EEA1: variants seen among roughly 807,000 people sequenced by gnomAD.
EEA1 encodes the protein early endosome antigen 1, 162kD.
A neutral mutation model predicts 209.2 loss-of-function variants in EEA1; 111 were observed. The ratio of observed to expected loss-of-function variants is 0.53; its 90% CI spans 0.45 to 0.62. The LOEUF (loss-of-function observed/expected upper bound fraction) is 0.62, where lower values mean the gene tolerates loss of function less well. EEA1 is among the 20% of genes least tolerant of loss of function. The pLI is 0.00. For missense variants in EEA1, 1,343 were observed against 1,530.8 expected, an observed-to-expected ratio of 0.88 and a Z score of 2.05; for synonymous variants, 536 against 540.6, an observed-to-expected ratio of 0.99 and a Z score of 0.12.
intron 13 of EEA1, among the ~76,000 whole-genome samples, chr12:92,825,084 A>G (rs1162005778): frequency 6.6e-6 from 1 of 152,218 alleles, no homozygotes; most frequent in Non-Finnish European, 1.5e-5. Context: ...CCTAGAGGGC[A>G]AGCACTCTGT....
In EEA1 at chr12:92,776,113, T is replaced by G; in HGVS notation, c.4134A>C (p.Gly1378=). The change falls in exon 29 of 29, where the codon GGA becomes GGC. Residue 1378 remains glycine (G), a synonymous_variant. Transcript: ENST00000322349. ...CTGAACATTCAGCACAGAAGATATTTCCACACTGTCGGCAGTGATGCTGTA... is the reference window on the plus strand; with the variant it reads ...CTGAACATTCAGCACAGAAGATATTGCCACACTGTCGGCAGTGATGCTGTA... ...TVRRHHCRQC[G]NIFCAECSAK... is the part of the protein sequence containing the mutation. 6.2e-7 allele frequency: 1 copy of G among 1,609,746 alleles called. No homozygotes were observed. Among genetic ancestry groups the G allele is most frequent in the Non-Finnish European group, 8.5e-7 (1 of 1,177,452 alleles).
chr12:92,837,111 ACT>A (rs1428839037), intron 10 of EEA1, among the ~76,000 whole-genome samples: 4 of 119,832 alleles, frequency 3.3e-5, no homozygotes, highest in African/African-American at 6.2e-5. Context: ...AAAAAGTGAG[ACT>A]CTGTCTCATT....
At chr12:92,922,681 G>A (rs865969629) in intron 1 of EEA1, among the ~76,000 whole-genome samples, 15 of 152,244 alleles carry the variant, frequency 9.9e-5, no homozygotes, top group Non-Finnish European at 1.6e-4. Context: ...GGCGGGGTGC[G>A]GTGGCTCACG....
At chr12:92,826,410 C>G in intron 12 of EEA1, 125 bp from the exon 13 acceptor site, 1 of 839,148 alleles carries the variant, frequency 1.2e-6, no homozygotes, top group Non-Finnish European at 1.7e-6. Flanking sequence ...ATAAGATAAA[C>G]TTTAAAAGTG....
chr12:92,790,078 A>C (rs144380311), intron 21 of EEA1, among the ~76,000 whole-genome samples: 122 of 152,230 alleles, frequency 8.0e-4, no homozygotes, highest in African/African-American at 2.7e-3. Flanking sequence ...AGAAAGGAAT[A>C]ACATCAACAT....
At chr12:92,865,089 G>A in intron 2 of EEA1, 102 bp from the exon 3 acceptor site, 1 of 845,214 alleles carries the variant, frequency 1.2e-6, no homozygotes. Context: ...TCATACCAAT[G>A]GTGCCATTAG....
At chr12:92,928,451 T>A (rs1881294315) in intron 1 of EEA1, among the ~76,000 whole-genome samples, 2 of 151,976 alleles carry the variant, frequency 1.3e-5, no homozygotes, top group African/African-American at 4.8e-5. Context: ...TTTCCAACAG[T>A]GAGTAACATC....
chr12:92,857,510 T>C, intron 3 of EEA1, 25 bp from the exon 4 acceptor site: 1 of 1,510,476 alleles, frequency 6.6e-7, no homozygotes, highest in Non-Finnish European at 9.0e-7. Context: ...GAGGAAGGAA[T>C]TAATAGTCAA....
rs530032735 is a variant in EEA1 at position 92,837,966 on chromosome 12, A to G, written c.915+4499T>C. Among the ~76,000 whole-genome samples the G allele has an allele frequency of 2.6e-4, 40 of 152,300 alleles. 1 individual carries two copies. The South Asian group carries it at 7.9e-3, about 30-fold the overall frequency. Reference sequence around the variant, plus strand: ...GTAAGGAGGGGTGAGAGAAGTAGATAGTGAGGATAATAAGAAAAGGCAGAT... The same window carrying G: ...GTAAGGAGGGGTGAGAGAAGTAGATGGTGAGGATAATAAGAAAAGGCAGAT... On this transcript the variant is annotated intron_variant, in intron 10 of 28. Transcript: ENST00000322349.
chr12:92,842,611 A>G (rs1302267889), intron 9 of EEA1, 30 bp from the exon 10 acceptor site: 1 of 1,269,756 alleles, frequency 7.9e-7, no homozygotes, highest in Non-Finnish European at 1.1e-6. Flanking sequence ...CAAAAATTAA[A>G]GCAAACTAAA....
At chr12:92,813,967 C>T (rs920681786) in intron 15 of EEA1, among the ~76,000 whole-genome samples, 5 of 151,798 alleles carry the variant, frequency 3.3e-5, no homozygotes, top group South Asian at 2.1e-4. Flanking sequence ...GAGCTGAGAT[C>T]GCGCCACTGC....
intron 13 of EEA1, among the ~76,000 whole-genome samples, chr12:92,820,869 C>G (rs944409335): frequency 6.6e-6 from 1 of 152,062 alleles, no homozygotes; most frequent in Non-Finnish European, 1.5e-5. Flanking sequence ...TTCTCCCTCA[C>G]CCCTCACCCT....
intron 1 of EEA1, among the ~76,000 whole-genome samples, chr12:92,902,635 G>A (rs1050429157): frequency 6.6e-6 from 1 of 151,622 alleles, no homozygotes; most frequent in Non-Finnish European, 1.5e-5. Context: ...AAGCTACTCA[G>A]GACGCTGAGG....
intron 9 of EEA1, among the ~76,000 whole-genome samples, chr12:92,845,847 A>G (rs1201182153): frequency 6.6e-6 from 1 of 152,134 alleles, no homozygotes; most frequent in Non-Finnish European, 1.5e-5. Flanking sequence ...CACTTGGAAG[A>G]CCCAAAAAGA....
chr12:92,905,603 C>CA (rs1334679846), intron 1 of EEA1: 255 of 142,352 alleles, frequency 1.8e-3, no homozygotes, highest in African/African-American at 5.9e-3. Flanking sequence ...GACTCTGTCT[C>CA]AAAAAAAAAA....
intron 9 of EEA1, among the ~76,000 whole-genome samples, chr12:92,844,981 T>C (rs1877330257): frequency 6.6e-6 from 1 of 152,038 alleles, no homozygotes; most frequent in African/African-American, 2.4e-5. Context: ...ATTTTCCTTA[T>C]TAAATAAGGA....
At chr12:92,925,267 T>G (rs934806659) in intron 1 of EEA1, among the ~76,000 whole-genome samples, 36 of 151,886 alleles carry the variant, frequency 2.4e-4, no homozygotes, top group Non-Finnish European at 4.9e-4. Flanking sequence ...GTTGCTGGAG[T>G]GCAGTGGCAC....
intron 3 of EEA1, among the ~76,000 whole-genome samples, chr12:92,862,152 G>C (rs1878182642): frequency 6.6e-6 from 1 of 152,100 alleles, no homozygotes. Flanking sequence ...TAGTGGAGTA[G>C]AATGTAATTG....
intron 2 of EEA1, among the ~76,000 whole-genome samples, chr12:92,885,972 C>T (rs1221261600): frequency 1.3e-5 from 2 of 151,922 alleles, no homozygotes; most frequent in Non-Finnish European, 2.9e-5. Flanking sequence ...GAAAAAAATT[C>T]ACAAAATACA....
Sources: allele counts gnomAD v4.1 joint callset (sites outside exome capture counted in the v4.1 genomes callset), GRCh38; gene constraint gnomAD v4.1.1; transcripts MANE v1.5; gene names NCBI Gene and HGNC (gene_info 2026-07-23, HGNC 2026-07-21).